CREB1: variants seen among roughly 807,000 people sequenced by gnomAD.
CREB1 encodes the protein cAMP responsive element binding protein 1, also known as cyclic AMP-responsive element-binding protein 1.
A neutral mutation model predicts 42.0 loss-of-function variants in CREB1; 2 were observed. The observed-to-expected ratio is 0.05, with a 90% confidence interval of 0.02 to 0.15. CREB1 has a LOEUF of 0.15. Ranked by LOEUF, CREB1 falls within the 10% of genes least tolerant of loss-of-function variation. The probability of loss-of-function intolerance (pLI) is 1.00; values close to 1 mark genes in which losing one functional copy is unlikely to be tolerated. For missense variants in CREB1, 199 were observed against 388.9 expected, an observed-to-expected ratio of 0.51 and a Z score of 4.11; for synonymous variants, 123 against 139.9, an observed-to-expected ratio of 0.88 and a Z score of 0.85.
At chr2:207,582,212 A>G in intron 7 of CREB1, 1 of 702,564 alleles carries the variant, frequency 1.4e-6, no homozygotes, top group Admixed American at 2.0e-5. Flanking sequence ...AAACCACCAC[A>G]GTAATTAGGT....
intron 1 of CREB1, among the ~76,000 whole-genome samples, chr2:207,532,724 T>C (rs1015202282): frequency 1.3e-5 from 2 of 152,082 alleles, no homozygotes; most frequent in African/African-American, 4.8e-5. Flanking sequence ...CGAGAGATAT[T>C]TTAAATTGTA....
rs1163261903 is a variant in CREB1 at position 207,603,384 on chromosome 2, T to G, written c.*6326T>G. 4.4e-6 allele frequency: 1 copy of G among 224,860 alleles called. No individual in the cohort carries two copies. Among genetic ancestry groups the G allele is most frequent in the African/African-American group, 2.2e-5 (1 of 44,900 alleles). 13.9% of individuals were successfully genotyped at this position (224,860 alleles called of 1,614,324 possible). Reference sequence around the variant, plus strand: ...GGTATCAACTGTCATAATGCTCTTTTTACACAAACATTTATGTGCAGTCAC... The same window carrying G: ...GGTATCAACTGTCATAATGCTCTTTGTACACAAACATTTATGTGCAGTCAC... On this transcript the variant is annotated 3_prime_UTR_variant, in exon 8 of 8. Coordinates refer to ENST00000353267, the MANE Select transcript of CREB1 (RefSeq NM_004379.5).
At chr2:207,557,121 G>A (rs915939099) in intron 2 of CREB1, among the ~76,000 whole-genome samples, 4 of 151,734 alleles carry the variant, frequency 2.6e-5, no homozygotes, top group South Asian at 2.1e-4. Flanking sequence ...CGGGGTGACA[G>A]AACAAGATTC....
chr2:207,583,205 G>A (rs1210230529), intron 7 of CREB1, among the ~76,000 whole-genome samples: 2 of 152,012 alleles, frequency 1.3e-5, no homozygotes. Context: ...TTATATAAGG[G>A]ACTTGAGCAT....
In CREB1 at chr2:207,575,260, A is replaced by T. The variant is rs1375796789; in HGVS notation, c.506-12A>T. ...TATTAAACTTGTAACAATAAAATCC[A>T]TTGGCTTTTAGTTGCCATTACCCAG... On this transcript the variant is annotated splice_polypyrimidine_tract_variant and intron_variant, in intron 5 of 7. Transcript: ENST00000353267. 1.2e-6 allele frequency: 2 copies of T among 1,611,618 alleles called. No homozygotes were observed. The highest frequency in any genetic ancestry group is 1.7e-6 in the Non-Finnish European group (2 of 1,178,236).
chr2:207,592,172 C>G (rs1233158772), intron 7 of CREB1, among the ~76,000 whole-genome samples: 1 of 152,068 alleles, frequency 6.6e-6, no homozygotes, highest in African/African-American at 2.4e-5. Flanking sequence ...TCACTTAAGG[C>G]TGAGGTAGGC....
At chr2:207,545,940 G>A (rs993874945) in intron 1 of CREB1, among the ~76,000 whole-genome samples, 2 of 151,836 alleles carry the variant, frequency 1.3e-5, no homozygotes, top group Non-Finnish European at 2.9e-5. Context: ...TCTCCATGTT[G>A]GCCAGGCTGG....
intron 7 of CREB1, among the ~76,000 whole-genome samples, chr2:207,583,904 T>C (rs895702694): frequency 6.6e-6 from 1 of 152,216 alleles, no homozygotes; most frequent in Non-Finnish European, 1.5e-5. Context: ...TATTCCATAA[T>C]CTCTTATAAA....
Position 207,601,291 on chromosome 2 carries a change from C to T in CREB1, c.*4233C>T, listed in dbSNP as rs1406172740. ...AATGACCCAGTTTGGGTATTAGCAA[C>T]TTAAGAAATTCCCTCATCAAGTAAT... On this transcript the variant is annotated 3_prime_UTR_variant, in exon 8 of 8. Transcript: ENST00000353267. 5.4e-6 allele frequency: 1 copy of T among 185,426 alleles called. No homozygotes were observed. Among genetic ancestry groups the T allele is most frequent in the East Asian group, 8.7e-5 (1 of 11,430 alleles). The allele number at this position is 185,426 out of a possible 1,614,324, so 11.5% of individuals were successfully genotyped here.
At chr2:207,561,218 T>C in intron 3 of CREB1, 1 of 1,400,452 alleles carries the variant, frequency 7.1e-7, no homozygotes, top group Non-Finnish European at 1.0e-6. Context: ...GGTGAGAAAT[T>C]ATTCTTTATG....
Position 207,602,365 on chromosome 2 carries a change from G to C in CREB1, c.*5307G>C, listed in dbSNP as rs1345674121. 5.0e-6 allele frequency: 1 copy of C among 202,006 alleles called. No individual in the cohort carries two copies. Among genetic ancestry groups the C allele is most frequent in the Non-Finnish European group, 1.0e-5 (1 of 98,348 alleles). 12.5% of individuals were successfully genotyped at this position (202,006 alleles called of 1,614,324 possible). ...TCTGGTACGGTGGGTGCAGGTCCCA[G>C]CTGGGTATGACATGATACATTTTTA... On this transcript the variant is annotated 3_prime_UTR_variant, in exon 8 of 8. Coordinates refer to ENST00000353267, the MANE Select transcript of CREB1 (RefSeq NM_004379.5).
Position 207,605,767 on chromosome 2 carries a change from T to C in CREB1, c.*8709T>C, listed in dbSNP as rs1342219329. On this transcript the variant is annotated 3_prime_UTR_variant, in exon 8 of 8. Coordinates refer to ENST00000353267, the MANE Select transcript of CREB1 (RefSeq NM_004379.5). ...TTGAAATTTTTTACTGTTACAGATATACAGAGGTTGGTAACTAGGTCTACA... is the reference window on the plus strand; with the variant it reads ...TTGAAATTTTTTACTGTTACAGATACACAGAGGTTGGTAACTAGGTCTACA... 2.0e-5 allele frequency among the ~76,000 whole-genome samples: 3 copies of C among 152,226 alleles called. No homozygotes were observed. Among genetic ancestry groups the C allele is most frequent in the Non-Finnish European group, 4.4e-5 (3 of 68,038 alleles).
chr2:207,538,019 A>G (rs555108265), intron 1 of CREB1, among the ~76,000 whole-genome samples: 1 of 152,246 alleles, frequency 6.6e-6, no homozygotes, highest in Non-Finnish European at 1.5e-5. Context: ...CATAGCCTGA[A>G]GGTAATTTTA....
Position 207,577,339 on chromosome 2 carries a change from G to A in CREB1, c.689-166G>A, listed in dbSNP as rs768120585. 1.2e-5 allele frequency: 13 copies of A among 1,055,908 alleles called. No individual in the cohort carries two copies. In the African/African-American group the frequency reaches 1.8e-4, roughly 14 times the overall value. The allele number at this position is 1,055,908 out of a possible 1,614,324, so 65.4% of individuals were successfully genotyped here. A position where few individuals can be genotyped will look rare whatever the true frequency, so the allele number is the denominator to read the frequency against. On this transcript the variant is annotated intron_variant, in intron 6 of 7. Transcript: ENST00000353267. Reference sequence around the variant, plus strand: ...ACATTACATTGGGAATTATTTCTTAGTAGTGGCGCGAAGAGTGCTGATTCT... The same window carrying A: ...ACATTACATTGGGAATTATTTCTTAATAGTGGCGCGAAGAGTGCTGATTCT...
rs1260690667 is a variant in CREB1, at chr2:207,602,430, T to G, written c.*5372T>G. 3 of 198,854 alleles carry G rather than the reference T, an allele frequency of 1.5e-5. No homozygotes were observed. Among genetic ancestry groups the G allele is most frequent in the Admixed American group, 6.1e-5 (1 of 16,512 alleles). 12.3% of individuals were successfully genotyped at this position (198,854 alleles called of 1,614,324 possible). ...CAAGTAAAAGGAAAATGAACAATCT[T>G]TTGGAATTGTCTTTGAAAAGGATCA... On this transcript the variant is annotated 3_prime_UTR_variant, in exon 8 of 8. Coordinates refer to ENST00000353267, the MANE Select transcript of CREB1 (RefSeq NM_004379.5).
chr2:207,548,743 C>G (rs2081389807), intron 1 of CREB1, among the ~76,000 whole-genome samples: 1 of 152,046 alleles, frequency 6.6e-6, no homozygotes, highest in Non-Finnish European at 1.5e-5. Flanking sequence ...GAGCAAAACT[C>G]TGTCCCCGCC....
At chr2:207,564,078 CTT>C (rs1249593849) in intron 3 of CREB1, among the ~76,000 whole-genome samples, 1 of 151,912 alleles carries the variant, frequency 6.6e-6, no homozygotes, top group Non-Finnish European at 1.5e-5. Context: ...TTTAAGAACT[CTT>C]GTTTTATAAT....
intron 1 of CREB1, among the ~76,000 whole-genome samples, chr2:207,545,990 CT>C (rs1322715131): frequency 1.3e-5 from 2 of 152,214 alleles, no homozygotes; most frequent in African/African-American, 4.8e-5. Context: ...CCGCCTTGGC[CT>C]CCCAAAGTCT....
intron 1 of CREB1, among the ~76,000 whole-genome samples, chr2:207,553,955 T>A (rs1296309253): frequency 6.6e-6 from 1 of 152,226 alleles, no homozygotes; most frequent in African/African-American, 2.4e-5. Context: ...TTACAATGTG[T>A]CAATATATTA....
Sources: gnomAD v4.1 joint callset for allele counts (sites outside exome capture counted in the v4.1 genomes callset) on GRCh38, gnomAD v4.1.1 for gene constraint, MANE v1.5 for transcripts, NCBI Gene and HGNC (gene_info 2026-07-23, HGNC 2026-07-21) for gene names.